ERBB4: variants seen among roughly 807,000 people sequenced by gnomAD.
ERBB4 encodes the protein receptor tyrosine-protein kinase erbB-4.
ERBB4 carries 42 observed loss-of-function variants against 158.0 expected under a neutral mutation model. The observed-to-expected ratio is 0.27, with a 90% CI of 0.21 to 0.34. The LOEUF (loss-of-function observed/expected upper bound fraction) is 0.34. Ranked by LOEUF, ERBB4 falls within the 10% of genes least tolerant of loss-of-function variation. The pLI is 1.00. For synonymous variants in ERBB4, 583 were observed against 558.7 expected, an observed-to-expected ratio of 1.04 and a Z score of -0.61; for missense variants, 1,333 against 1,624.1, an observed-to-expected ratio of 0.82 and a Z score of 3.08.
chr2:211,517,466 A>G (rs2066066939), intron 20 of ERBB4, among the ~76,000 whole-genome samples: 1 of 152,066 alleles, frequency 6.6e-6, no homozygotes, highest in Non-Finnish European at 1.5e-5. Context: ...AGTTTCCTGT[A>G]TCTTTTCTAA....
intron 1 of ERBB4, among the ~76,000 whole-genome samples, chr2:212,278,276 T>C (rs1459741636): frequency 3.3e-5 from 5 of 151,796 alleles, no homozygotes; most frequent in African/African-American, 9.7e-5. Context: ...TTTACTTCTG[T>C]TCATGGGCCA....
intron 4 of ERBB4, among the ~76,000 whole-genome samples, chr2:211,754,053 G>A (rs990547478): frequency 2.0e-5 from 3 of 151,790 alleles, no homozygotes; most frequent in African/African-American, 4.8e-5. Context: ...GTAGAGACGG[G>A]GTTTCACTGT....
At chr2:212,361,556 C>T (rs909361435) in intron 1 of ERBB4, among the ~76,000 whole-genome samples, 10 of 151,570 alleles carry the variant, frequency 6.6e-5, no homozygotes, top group African/African-American at 2.4e-4. Context: ...ACTACTCAGA[C>T]ATATGTGCCA....
At chr2:212,490,779 T>TA (rs1483727891) in intron 1 of ERBB4, among the ~76,000 whole-genome samples, 1 of 151,790 alleles carries the variant, frequency 6.6e-6, no homozygotes, top group Non-Finnish European at 1.5e-5. Context: ...CTACGGGCTT[T>TA]AATAGCCCTT....
intron 1 of ERBB4, among the ~76,000 whole-genome samples, chr2:212,286,228 A>G (rs1204108726): frequency 6.6e-6 from 1 of 152,148 alleles, no homozygotes; most frequent in African/African-American, 2.4e-5. Context: ...AAACATTAAC[A>G]TTATTATTAT....
chr2:212,451,251 T>C (rs957744656), intron 1 of ERBB4, among the ~76,000 whole-genome samples: 3 of 152,094 alleles, frequency 2.0e-5, no homozygotes, highest in Non-Finnish European at 2.9e-5. Context: ...AGCTGGAGAG[T>C]ATTTCAAAGA....
At position 212,117,591 on chromosome 2, in the gene ERBB4, G is replaced by T. The variant is rs150228186; in HGVS notation, c.234+7161C>A. On this transcript the variant is annotated intron_variant, in intron 2 of 27. Transcript: ENST00000342788. ...TTCATTATCTTACAAAGTTTATCAG[G>T]AATACAAATTCAGGCTTGTATAGTA... Among the ~76,000 whole-genome samples, 961 of 152,178 alleles carry T rather than the reference G, an allele frequency of 6.3e-3. 9 individuals carry two copies. The highest frequency in any genetic ancestry group is 0.021 in the African/African-American group (890 of 41,530).
intron 1 of ERBB4, among the ~76,000 whole-genome samples, chr2:212,482,952 G>C (rs1335717095): frequency 1.3e-5 from 2 of 152,164 alleles, no homozygotes; most frequent in Non-Finnish European, 2.9e-5. Flanking sequence ...TTAAAAATTT[G>C]ATTAGGATTA....
At chr2:212,023,546 C>A (rs979391285) in intron 2 of ERBB4, among the ~76,000 whole-genome samples, 5 of 151,800 alleles carry the variant, frequency 3.3e-5, no homozygotes, top group Admixed American at 3.3e-4. Flanking sequence ...ATAAGTCAAT[C>A]AAAATCTCAA....
intron 5 of ERBB4, among the ~76,000 whole-genome samples, chr2:211,732,124 T>C (rs1238609996): frequency 6.6e-6 from 1 of 152,164 alleles, no homozygotes; most frequent in Non-Finnish European, 1.5e-5. Flanking sequence ...TTCCCATAGA[T>C]GGAAAGGCAG....
At position 211,681,208 on chromosome 2, in the gene ERBB4, G is replaced by C. The variant is rs144645894; in HGVS notation, c.1490-2024C>G. Among the ~76,000 whole-genome samples, 663 of 152,044 alleles carry C rather than the reference G, an allele frequency of 4.4e-3. 2 individuals carry two copies. Among genetic ancestry groups the C allele is most frequent in the South Asian group, 0.016 (75 of 4,812 alleles). ...CAATAGTTTATTCACTTTTATTACT[G>C]AGTATATTCTATTGTATGGATATAT... is the stretch of plus-strand genomic sequence containing the variant. On this transcript the variant is annotated intron_variant, in intron 12 of 27. Coordinates refer to ENST00000342788, the MANE Select transcript of ERBB4 (RefSeq NM_005235.3).
chr2:211,460,524 C>A (rs1195676390), intron 20 of ERBB4, among the ~76,000 whole-genome samples: 1 of 152,164 alleles, frequency 6.6e-6, no homozygotes, highest in East Asian at 1.9e-4. Flanking sequence ...AACATAATCA[C>A]TGTTTTAAAA....
chr2:212,025,693 C>G (rs1169921143), intron 2 of ERBB4, among the ~76,000 whole-genome samples: 1 of 151,462 alleles, frequency 6.6e-6, no homozygotes, highest in Non-Finnish European at 1.5e-5. Flanking sequence ...TGAGAGCTTC[C>G]CTGAGAAAAA....
intron 20 of ERBB4, among the ~76,000 whole-genome samples, chr2:211,473,874 G>T (rs909317392): frequency 3.9e-5 from 6 of 151,988 alleles, no homozygotes; most frequent in African/African-American, 1.4e-4. Context: ...TTGAATTGAA[G>T]ATAAAGATAT....
intron 20 of ERBB4, among the ~76,000 whole-genome samples, chr2:211,458,543 G>A (rs532226032): frequency 6.6e-6 from 1 of 152,136 alleles, no homozygotes. Context: ...GGGATTACAG[G>A]CGCGATCCAC....
At chr2:212,319,040 A>C (rs4300779) in intron 1 of ERBB4, among the ~76,000 whole-genome samples, 2 of 151,302 alleles carry the variant, frequency 1.3e-5, no homozygotes, top group Non-Finnish European at 3.0e-5. Context: ...CTATGACATC[A>C]CTGAAGTCTA....
At chr2:211,734,123 T>TA (rs1163776553) in intron 5 of ERBB4, among the ~76,000 whole-genome samples, 3 of 152,096 alleles carry the variant, frequency 2.0e-5, no homozygotes, top group African/African-American at 7.2e-5. Context: ...ATGTTAAAAT[T>TA]AAAAAAAGAA....
chr2:211,617,138 CT>C (rs1409064121), intron 19 of ERBB4, among the ~76,000 whole-genome samples: 1 of 151,978 alleles, frequency 6.6e-6, no homozygotes, highest in Non-Finnish European at 1.5e-5. Context: ...TTTGTAGGCT[CT>C]TAACCCCCTT....
rs1279482810 is a variant in ERBB4, at chr2:211,772,953, A to ATTTT, written c.556+15071_556+15072insAAAA. ...TATATATATATATATATATATATAT[A>ATTTT]TATTTTTTTTTTTAAAGATGGGGTC... is the stretch of plus-strand genomic sequence containing the variant. On this transcript the variant is annotated intron_variant, in intron 4 of 27. Transcript: ENST00000342788. 1.3e-4 allele frequency among the ~76,000 whole-genome samples: 10 copies of ATTTT among 77,096 alleles called. 2 individuals are homozygous for ATTTT. The South Asian group carries it at 1.7e-3, about 13-fold the overall frequency. 50.6% of individuals were successfully genotyped at this position (77,096 alleles called of 152,430 possible).
Sources: allele counts gnomAD v4.1 joint callset (sites outside exome capture counted in the v4.1 genomes callset), GRCh38; gene constraint gnomAD v4.1.1; transcripts MANE v1.5; gene names NCBI Gene and HGNC (gene_info 2026-07-23, HGNC 2026-07-21).